The following SGCZ variants were observed in gnomAD, a reference collection of about 807,000 sequenced individuals.
SGCZ encodes zeta-sarcoglycan.
A neutral mutation model predicts 41.3 loss-of-function variants in SGCZ; 40 were observed. That is an observed-to-expected ratio of 0.97 (90% CI 0.75 to 1.26). The LOEUF (loss-of-function observed/expected upper bound fraction) is 1.26, where lower values mean the gene tolerates loss of function less well. SGCZ is among the 50% of genes most tolerant of loss of function. The probability of loss-of-function intolerance (pLI) is 0.00; values close to 1 mark genes in which losing one functional copy is unlikely to be tolerated. For missense variants in SGCZ, 552 were observed against 369.8 expected, an observed-to-expected ratio of 1.49 and a Z score of -4.04; for synonymous variants, 206 against 137.5, an observed-to-expected ratio of 1.50 and a Z score of -3.49.
intron 1 of SGCZ, among the ~76,000 whole-genome samples, chr8:14,938,534 C>A (rs1257062283): frequency 1.3e-5 from 2 of 152,078 alleles, no homozygotes; most frequent in South Asian, 4.2e-4. Flanking sequence ...TATAAGAACA[C>A]AGTATATAAT....
chr8:14,655,079 G>A (rs1052322172), intron 1 of SGCZ, among the ~76,000 whole-genome samples: 5 of 152,038 alleles, frequency 3.3e-5, no homozygotes, highest in African/African-American at 1.2e-4. Flanking sequence ...TTTCAAAAAT[G>A]TGTAAATATT....
chr8:14,978,481 A>AAAAAAAC, intron 1 of SGCZ, among the ~76,000 whole-genome samples: 1 of 39,746 alleles, frequency 2.5e-5, no homozygotes, highest in Non-Finnish European at 6.6e-5. Flanking sequence ...AAAAAAAAAA[A>AAAAAAAC]AAAAAAAAAA....
At chr8:14,640,057 G>A (rs890595729) in intron 1 of SGCZ, among the ~76,000 whole-genome samples, 1 of 151,552 alleles carries the variant, frequency 6.6e-6, no homozygotes, top group African/African-American at 2.4e-5. Context: ...CTTAATAAAA[G>A]TCTTCTATTA....
intron 4 of SGCZ, among the ~76,000 whole-genome samples, chr8:14,203,869 A>G (rs1805534014): frequency 6.6e-6 from 1 of 152,156 alleles, no homozygotes; most frequent in African/African-American, 2.4e-5. Flanking sequence ...ACCTGTAAGA[A>G]TTATCTAGGA....
chr8:14,462,688 T>C (rs1424822043), intron 2 of SGCZ, among the ~76,000 whole-genome samples: 1 of 151,964 alleles, frequency 6.6e-6, no homozygotes, highest in African/African-American at 2.4e-5. Context: ...TCAAGCTTGA[T>C]TGTGCTCTTT....
chr8:15,099,780 T>C (rs1245880008), intron 1 of SGCZ, among the ~76,000 whole-genome samples: 1 of 152,182 alleles, frequency 6.6e-6, no homozygotes, highest in East Asian at 1.9e-4. Flanking sequence ...ATTTCATATA[T>C]GTAAGACTGG....
At chr8:14,450,581 C>T (rs1469884245) in intron 2 of SGCZ, among the ~76,000 whole-genome samples, 3 of 152,104 alleles carry the variant, frequency 2.0e-5, no homozygotes, top group Non-Finnish European at 2.9e-5. Flanking sequence ...GAAATCACAA[C>T]CTCCAGTGAT....
intron 4 of SGCZ, among the ~76,000 whole-genome samples, chr8:14,223,683 A>C (rs1326538856): frequency 6.6e-6 from 1 of 152,176 alleles, no homozygotes; most frequent in Admixed American, 6.5e-5. Context: ...CATTCTCATG[A>C]ATGCCATGAC....
At chr8:14,980,884 T>C (rs972643812) in intron 1 of SGCZ, among the ~76,000 whole-genome samples, 9 of 152,212 alleles carry the variant, frequency 5.9e-5, no homozygotes, top group African/African-American at 1.9e-4. Flanking sequence ...CCATGCATAC[T>C]TGTGCTATCC....
At chr8:14,791,180 AG>A (rs1197758633) in intron 1 of SGCZ, among the ~76,000 whole-genome samples, 2 of 152,152 alleles carry the variant, frequency 1.3e-5, no homozygotes, top group African/African-American at 4.8e-5. Flanking sequence ...TATTTTAACT[AG>A]AAAAATAATT....
At chr8:14,953,463 G>C (rs910073823) in intron 1 of SGCZ, among the ~76,000 whole-genome samples, 1 of 152,112 alleles carries the variant, frequency 6.6e-6, no homozygotes, top group Non-Finnish European at 1.5e-5. Context: ...TGGGGACTCA[G>C]AGCCAACACA....
intron 1 of SGCZ, among the ~76,000 whole-genome samples, chr8:14,916,058 T>G (rs1414557468): frequency 6.6e-6 from 1 of 152,182 alleles, no homozygotes; most frequent in Admixed American, 6.5e-5. Flanking sequence ...TGTTAATATA[T>G]AAGTCATGTA....
At chr8:14,440,374 G>C (rs1035590061) in intron 2 of SGCZ, among the ~76,000 whole-genome samples, 1 of 151,960 alleles carries the variant, frequency 6.6e-6, no homozygotes, top group African/African-American at 2.4e-5. Flanking sequence ...TTTGAATTTG[G>C]TGATAAAACA....
At chr8:14,938,699 A>C (rs906980043) in intron 1 of SGCZ, among the ~76,000 whole-genome samples, 16 of 152,184 alleles carry the variant, frequency 1.1e-4, no homozygotes, top group African/African-American at 3.6e-4. Flanking sequence ...TACCTTTTGC[A>C]GCAACTTGGA....
At chr8:14,474,267 A>G (rs1017512618) in intron 2 of SGCZ, among the ~76,000 whole-genome samples, 6 of 152,224 alleles carry the variant, frequency 3.9e-5, no homozygotes, top group African/African-American at 1.4e-4. Flanking sequence ...GCATTATCAT[A>G]CCAAATGATA....
chr8:15,230,352 C>G (rs1219308603), intron 1 of SGCZ, among the ~76,000 whole-genome samples: 1 of 152,042 alleles, frequency 6.6e-6, no homozygotes, highest in Admixed American at 6.6e-5. Context: ...GGAATTTTGG[C>G]CTATGTATAA....
At chr8:14,735,841 G>A (rs1799012317) in intron 1 of SGCZ, among the ~76,000 whole-genome samples, 1 of 152,032 alleles carries the variant, frequency 6.6e-6, no homozygotes, top group African/African-American at 2.4e-5. Flanking sequence ...TATTAGGGAG[G>A]CCTTGCTGAC....
rs181219061 is a variant in SGCZ, at chr8:14,763,664, T to C, written c.40-208738A>G. ...CATTAGTGAGCCCCTGGAGATATGATAATACCATAGAGGAGGTAGGAAGAA... is the reference window on the plus strand; with the variant it reads ...CATTAGTGAGCCCCTGGAGATATGACAATACCATAGAGGAGGTAGGAAGAA... On this transcript the variant is annotated intron_variant, in intron 1 of 7. Coordinates refer to ENST00000382080, the MANE Select transcript of SGCZ (RefSeq NM_139167.4). 7.5e-4 allele frequency among the ~76,000 whole-genome samples: 114 copies of C among 152,296 alleles called. 2 individuals carry two copies. The highest frequency in any genetic ancestry group is 2.6e-3 in the African/African-American group (108 of 41,576).
chr8:14,500,647 T>C (rs1802125031), intron 2 of SGCZ, among the ~76,000 whole-genome samples: 1 of 152,052 alleles, frequency 6.6e-6, no homozygotes, highest in African/African-American at 2.4e-5. Flanking sequence ...ATATAAAATA[T>C]ATACCTGTAT....
Sources: allele counts gnomAD v4.1 joint callset (sites outside exome capture counted in the v4.1 genomes callset), GRCh38; gene constraint gnomAD v4.1.1; transcripts MANE v1.5; gene names NCBI Gene and HGNC (gene_info 2026-07-23, HGNC 2026-07-21).